DIAPH3: variants seen among roughly 807,000 people sequenced by gnomAD.
The protein encoded by DIAPH3 is diaphanous related formin 3.
In DIAPH3, 117 loss-of-function variants were observed where a neutral mutation model predicts 144.3. That is an observed-to-expected ratio of 0.81 (90% CI 0.70 to 0.95). The LOEUF (loss-of-function observed/expected upper bound fraction) is 0.95, where lower values mean the gene tolerates loss of function less well. Among genes scored for constraint, DIAPH3 ranks in the 40% least tolerant of loss-of-function variants. DIAPH3 has a pLI of 0.00. For missense variants in DIAPH3, 1,421 were observed against 1,412.7 expected, an observed-to-expected ratio of 1.01 and a Z score of -0.09; for synonymous variants, 519 against 488.9, an observed-to-expected ratio of 1.06 and a Z score of -0.81.
At position 60,038,788 on chromosome 13, in the gene DIAPH3, C is replaced by T. The variant is rs568520672; in HGVS notation, c.626+3902G>A. Among the ~76,000 whole-genome samples, 11 of 152,092 alleles carry T rather than the reference C, an allele frequency of 7.2e-5. No individual in the cohort carries two copies. The South Asian group carries it at 1.7e-3, about 23-fold the overall frequency. ...CTAGATTTTGAGACAAAAAATCTTA[C>T]CCTTGACAGGCACGTCAAATTAAGA... On this transcript the variant is annotated intron_variant, in intron 5 of 27. Transcript: ENST00000400324.
intron 20 of DIAPH3, among the ~76,000 whole-genome samples, chr13:59,881,707 A>C (rs1376415984): frequency 6.6e-6 from 1 of 152,136 alleles, no homozygotes; most frequent in East Asian, 1.9e-4. Flanking sequence ...AAGATAGAGT[A>C]AGTCTATGAT....
intron 17 of DIAPH3, among the ~76,000 whole-genome samples, chr13:59,951,265 A>G (rs1489695674): frequency 1.3e-5 from 2 of 152,090 alleles, no homozygotes; most frequent in African/African-American, 2.4e-5. Context: ...ATGGTTTTAT[A>G]AAAGGCATTT....
intron 3 of DIAPH3, among the ~76,000 whole-genome samples, chr13:60,098,228 G>A (rs1171605428): frequency 2.0e-5 from 3 of 152,110 alleles, no homozygotes; most frequent in Non-Finnish European, 4.4e-5. Flanking sequence ...GCTGCTCTCA[G>A]GATAAGAAAG....
intron 25 of DIAPH3, among the ~76,000 whole-genome samples, chr13:59,807,623 C>T (rs976677821): frequency 2.6e-5 from 4 of 151,886 alleles, no homozygotes; most frequent in Non-Finnish European, 5.9e-5. Flanking sequence ...ATGTATGATG[C>T]ATATGTACCT....
chr13:59,732,403 ATTCAGTC>A (rs548039544), intron 27 of DIAPH3, among the ~76,000 whole-genome samples: 289 of 151,470 alleles, frequency 1.9e-3, no homozygotes, highest in African/African-American at 6.5e-3. Context: ...CCTATTTATA[ATTCAGTC>A]TGTAAATTCC....
rs566791008 is a variant in DIAPH3 at position 60,116,533 on chromosome 13, G to A, written c.214-4347C>T. On this transcript the variant is annotated intron_variant, in intron 2 of 27. Transcript: ENST00000400324. ...TACTTCATTGCCATCATTTCTGTAC[G>A]GATAATATCAATTCCTAAGCACAGA... 2.6e-5 allele frequency among the ~76,000 whole-genome samples: 4 copies of A among 151,944 alleles called. No homozygotes were observed. In the South Asian group the frequency reaches 6.2e-4, roughly 24 times the overall value.
intron 17 of DIAPH3, among the ~76,000 whole-genome samples, chr13:59,958,867 C>CTTTTTT (rs932649097): frequency 3.2e-4 from 30 of 94,336 alleles, no homozygotes; most frequent in East Asian, 8.1e-4. Context: ...CTTCAATAAA[C>CTTTTTT]TTTTTTTTTT....
intron 27 of DIAPH3, among the ~76,000 whole-genome samples, chr13:59,758,339 C>T (rs12866976): frequency 0.26 from 39,080 of 152,054 alleles, 5,357 homozygotes; most frequent in African/African-American, 0.34. Context: ...GTGTGATATG[C>T]CCTTATAGTG....
At chr13:59,878,005 T>C (rs1353218310) in intron 21 of DIAPH3, among the ~76,000 whole-genome samples, 1 of 152,174 alleles carries the variant, frequency 6.6e-6, no homozygotes, top group Non-Finnish European at 1.5e-5. Context: ...GCCATAACTT[T>C]TAGTATGTGG....
At chr13:59,974,285 A>G (rs934796228) in intron 15 of DIAPH3, 67 bp downstream of exon 15, 14 of 1,119,640 alleles carry the variant, frequency 1.3e-5, no homozygotes, top group Non-Finnish European at 1.6e-5. Flanking sequence ...TGCTATGAAG[A>G]TATAACATAA....
chr13:59,991,981 A>G, intron 11 of DIAPH3, 87 bp downstream of exon 11: 1 of 1,026,266 alleles, frequency 9.7e-7, no homozygotes, highest in East Asian at 2.4e-5. Context: ...GTTTATATAG[A>G]AATGAGCTAA....
chr13:59,872,210 C>A (rs1444145119), intron 21 of DIAPH3, among the ~76,000 whole-genome samples: 1 of 152,116 alleles, frequency 6.6e-6, no homozygotes, highest in East Asian at 1.9e-4. Context: ...GCACTTGATG[C>A]TATAAATTTC....
intron 17 of DIAPH3, among the ~76,000 whole-genome samples, chr13:59,942,755 GT>G (rs1016784652): frequency 8.6e-5 from 13 of 151,672 alleles, no homozygotes; most frequent in African/African-American, 3.2e-4. Flanking sequence ...CAATTGAAGG[GT>G]TTTTTTCCTT....
rs2139929957 is a variant in DIAPH3, at chr13:59,861,341, G to A, written c.2737+66C>T. ...AGTGGAAAGTACATACAAATAAAAG[G>A]TATAATTTTCAGTCTTTTAGCACTG... On this transcript the variant is annotated intron_variant, in intron 22 of 27. Coordinates refer to ENST00000400324, the MANE Select transcript of DIAPH3 (RefSeq NM_001042517.2). 4 of 1,611,202 alleles carry A rather than the reference G, an allele frequency of 2.5e-6. No homozygotes were observed. In the South Asian group the frequency reaches 4.4e-5, roughly 18 times the overall value.
At chr13:60,008,191 A>C (rs1201925130) in intron 9 of DIAPH3, among the ~76,000 whole-genome samples, 3 of 152,122 alleles carry the variant, frequency 2.0e-5, no homozygotes, top group Non-Finnish European at 4.4e-5. Flanking sequence ...CAGGAGATCG[A>C]GACCATCCTG....
At chr13:60,110,914 C>T (rs1460144785) in intron 3 of DIAPH3, among the ~76,000 whole-genome samples, 1 of 152,156 alleles carries the variant, frequency 6.6e-6, no homozygotes, top group Non-Finnish European at 1.5e-5. Flanking sequence ...CTAACATAAA[C>T]TATATTCAGT....
intron 4 of DIAPH3, among the ~76,000 whole-genome samples, chr13:60,050,479 T>C (rs1233338888): frequency 6.6e-6 from 1 of 152,130 alleles, no homozygotes. Context: ...TGTATGATCT[T>C]GGGGCTGAGA....
intron 24 of DIAPH3, 28 bp downstream of exon 24, chr13:59,833,079 T>C (rs749950199): frequency 1.3e-6 from 2 of 1,585,502 alleles, no homozygotes; most frequent in Admixed American, 3.4e-5. Context: ...ATAAAAAAAC[T>C]TTTTAAAAAA....
At chr13:59,995,278 C>T (rs1660379516) in intron 9 of DIAPH3, among the ~76,000 whole-genome samples, 2 of 151,738 alleles carry the variant, frequency 1.3e-5, no homozygotes, top group Non-Finnish European at 2.9e-5. Context: ...GTGAGATGTT[C>T]GTCATAAGGA....
Sources: gnomAD v4.1 joint callset for allele counts (sites outside exome capture counted in the v4.1 genomes callset) on GRCh38, gnomAD v4.1.1 for gene constraint, MANE v1.5 for transcripts, NCBI Gene and HGNC (gene_info 2026-07-23, HGNC 2026-07-21) for gene names.